Variants in FGF14 observed in about 807,000 individuals in gnomAD.
The protein encoded by FGF14 is fibroblast growth factor 14.
Under a neutral mutation model 25.5 loss-of-function variants are expected in FGF14, and 5 were observed. That is an observed-to-expected ratio of 0.20 (90% CI 0.10 to 0.41). FGF14 has a LOEUF of 0.41. FGF14 is among the 10% of genes least tolerant of loss of function. The probability of loss-of-function intolerance (pLI) is 1.00; values close to 1 mark genes in which losing one functional copy is unlikely to be tolerated. For synonymous variants in FGF14, 138 were observed against 118.3 expected (o/e 1.17, Z -1.08); for missense variants, 222 against 320.1 (o/e 0.69, Z 2.34).
chr13:101,833,971 A>G (rs1257338566), intron 3 of FGF14, among the ~76,000 whole-genome samples: 1 of 152,084 alleles, frequency 6.6e-6, no homozygotes, highest in Admixed American at 6.6e-5. Flanking sequence ...CAAGATCATA[A>G]TCCTAATTCA....
At chr13:101,937,836 G>T (rs1002585835) in intron 1 of FGF14, among the ~76,000 whole-genome samples, 1 of 152,124 alleles carries the variant, frequency 6.6e-6, no homozygotes, top group Non-Finnish European at 1.5e-5. Context: ...TCGACCTTGT[G>T]ATCTGACTGC....
intron 1 of FGF14, among the ~76,000 whole-genome samples, chr13:102,166,467 C>A (rs1336855794): frequency 6.6e-6 from 1 of 152,032 alleles, no homozygotes; most frequent in African/African-American, 2.4e-5. Context: ...AGCTGAAGTC[C>A]AACATGGCAA....
At chr13:101,950,105 A>C (rs1167718861) in intron 1 of FGF14, among the ~76,000 whole-genome samples, 1 of 151,994 alleles carries the variant, frequency 6.6e-6, no homozygotes, top group South Asian at 2.1e-4. Context: ...GCTCAGAGCT[A>C]TGGAAGTCAT....
At chr13:102,047,201 A>C (rs2042022097) in intron 1 of FGF14, among the ~76,000 whole-genome samples, 1 of 152,156 alleles carries the variant, frequency 6.6e-6, no homozygotes, top group Non-Finnish European at 1.5e-5. Flanking sequence ...ACAGCAGGAA[A>C]TGTCATCCAA....
intron 3 of FGF14, among the ~76,000 whole-genome samples, chr13:101,742,278 C>A (rs1288768654): frequency 1.3e-5 from 2 of 152,120 alleles, no homozygotes; most frequent in Non-Finnish European, 2.9e-5. Flanking sequence ...CACATGTATA[C>A]CTATGTAACA....
At chr13:101,811,214 C>T (rs891282649) in intron 3 of FGF14, among the ~76,000 whole-genome samples, 10 of 152,250 alleles carry the variant, frequency 6.6e-5, no homozygotes, top group African/African-American at 2.2e-4. Flanking sequence ...CACTATTATA[C>T]TATCACACAG....
chr13:101,878,580 A>T lies in FGF14; in HGVS notation c.194-3284T>A, dbSNP rs77748198. The stretch of plus-strand genomic sequence containing the variant: ...TGATACGAATAAAATAAGCTAAAAT[A>T]AACACAAAACAAATAACAAAGATGA... On this transcript the variant is annotated intron_variant, in intron 1 of 4. Coordinates refer to ENST00000376143, the MANE Select transcript of FGF14 (RefSeq NM_004115.4). Among the ~76,000 whole-genome samples, 286 of 152,310 alleles carry T rather than the reference A, an allele frequency of 1.9e-3. 7 individuals are homozygous for T. The East Asian group carries it at 0.041, about 22-fold the overall frequency.
intron 1 of FGF14, among the ~76,000 whole-genome samples, chr13:102,358,127 A>C (rs972819449): frequency 6.6e-6 from 1 of 152,220 alleles, no homozygotes; most frequent in Non-Finnish European, 1.5e-5. Context: ...ATTTACCTTT[A>C]AAAATTATAT....
intron 1 of FGF14, among the ~76,000 whole-genome samples, chr13:102,342,837 G>A (rs1304833924): frequency 6.6e-6 from 1 of 152,080 alleles, no homozygotes; most frequent in Non-Finnish European, 1.5e-5. Flanking sequence ...TGGGGTGGGT[G>A]GGGCTCAAAA....
At chr13:101,955,162 G>C (rs1286642249) in intron 1 of FGF14, among the ~76,000 whole-genome samples, 1 of 152,208 alleles carries the variant, frequency 6.6e-6, no homozygotes, top group Non-Finnish European at 1.5e-5. Flanking sequence ...AATGAGCTAT[G>C]ATCACTGCAG....
At position 101,722,961 on chromosome 13, in the gene FGF14, A is replaced by G; in HGVS notation, c.614T>C (p.Met205Thr). ...HFLPKPLEVA[M>T]YREPSLHDVG... ...ATCATGCAAAGATGGTTCTCGGTAC[A>G]TGGCAACTAGTGATGGGAAGAAAGG... is the stretch of plus-strand genomic sequence containing the variant. Residue 205 changes from methionine (M) to threonine (T), a missense_variant, in exon 5 of 5, where the codon ATG becomes ACG. Around this residue, in one of 5 missense-constraint regions of FGF14, gnomAD observed 66 missense variants for 90.3 expected, o/e 0.73. Coordinates refer to ENST00000376143, the MANE Select transcript of FGF14 (RefSeq NM_004115.4). 1.2e-6 allele frequency: 2 copies of G among 1,613,272 alleles called. No homozygotes were observed. Among genetic ancestry groups the G allele is most frequent in the Non-Finnish European group, 8.5e-7 (1 of 1,179,446 alleles).
At chr13:101,818,135 G>A (rs1416875392) in intron 3 of FGF14, among the ~76,000 whole-genome samples, 4 of 152,196 alleles carry the variant, frequency 2.6e-5, no homozygotes, top group African/African-American at 7.2e-5. Context: ...CTGCAGACAC[G>A]TGAAACCTTC....
intron 1 of FGF14, among the ~76,000 whole-genome samples, chr13:102,161,301 T>A (rs1294072973): frequency 1.3e-5 from 2 of 151,842 alleles, no homozygotes; most frequent in Admixed American, 1.3e-4. Context: ...TGGAAGATTT[T>A]CCTCCCTCTA....
chr13:101,850,563 T>G (rs2043785306), intron 3 of FGF14, among the ~76,000 whole-genome samples: 1 of 109,056 alleles, frequency 9.2e-6, no homozygotes, highest in Non-Finnish European at 1.9e-5. Context: ...AATTATATAT[T>G]CTATATATAG....
At chr13:102,150,295 G>T (rs996330510) in intron 1 of FGF14, among the ~76,000 whole-genome samples, 26 of 148,404 alleles carry the variant, frequency 1.8e-4, no homozygotes, top group African/African-American at 6.1e-4. Context: ...GTGTTTTTAG[G>T]TTTTTTTTTT....
chr13:102,394,004 T>C (rs1595046825), intron 1 of FGF14, among the ~76,000 whole-genome samples: 1 of 152,348 alleles, frequency 6.6e-6, no homozygotes, highest in Middle Eastern at 3.4e-3. Flanking sequence ...TATGGGAACC[T>C]AGAATATTAG....
intron 2 of FGF14, among the ~76,000 whole-genome samples, chr13:101,872,388 A>C (rs1482140683): frequency 6.6e-6 from 1 of 151,782 alleles, no homozygotes; most frequent in Non-Finnish European, 1.5e-5. Flanking sequence ...CATAACTAGG[A>C]AACTATATGA....
At chr13:102,084,367 A>G (rs934294540) in intron 1 of FGF14, among the ~76,000 whole-genome samples, 1 of 152,240 alleles carries the variant, frequency 6.6e-6, no homozygotes, top group Admixed American at 6.5e-5. Flanking sequence ...AGCACAAAAA[A>G]CTAGTTACTG....
intron 3 of FGF14, among the ~76,000 whole-genome samples, chr13:101,847,073 T>C (rs1025451501): frequency 6.6e-6 from 1 of 152,006 alleles, no homozygotes; most frequent in African/African-American, 2.4e-5. Context: ...TCCTTTCCAT[T>C]CTAAAATTCA....
Sources: gnomAD v4.1 joint callset for allele counts (sites outside exome capture counted in the v4.1 genomes callset) on GRCh38, gnomAD v4.1.1 for gene constraint, gnomAD v4.1.1 regional missense constraint, MANE v1.5 for transcripts, NCBI Gene and HGNC (gene_info 2026-07-23, HGNC 2026-07-21) for gene names.